Variants in GRB10 observed in about 807,000 individuals in gnomAD.
GRB10 encodes growth factor receptor-bound protein 10.
GRB10 carries 20 observed loss-of-function variants against 80.9 expected under a neutral mutation model. The ratio of observed to expected loss-of-function variants is 0.25; its 90% CI spans 0.17 to 0.36. The LOEUF (loss-of-function observed/expected upper bound fraction) is 0.36, where lower values mean the gene tolerates loss of function less well. Among genes scored for constraint, GRB10 ranks in the 10% least tolerant of loss-of-function variants. The pLI, the probability that GRB10 is intolerant of heterozygous loss-of-function variation, is 1.00. For missense variants in GRB10, 548 were observed against 747.7 expected (o/e 0.73, Z 3.12); for synonymous variants, 291 against 291.5 (o/e 1.00, Z 0.02).
intron 8 of GRB10, among the ~76,000 whole-genome samples, chr7:50,620,325 G>A (rs895065393): frequency 6.6e-6 from 1 of 152,148 alleles, no homozygotes; most frequent in African/African-American, 2.4e-5. Context: ...CTCCTCTCCT[G>A]CAGCCAGACT....
At chr7:50,775,011 A>G (rs1038960824) in intron 2 of GRB10, among the ~76,000 whole-genome samples, 6 of 150,752 alleles carry the variant, frequency 4.0e-5, no homozygotes, top group African/African-American at 1.2e-4. Flanking sequence ...AAAAAAAAAA[A>G]CTAGCTGGGC....
At chr7:50,783,622 G>A (rs2078541058), upstream of GRB10, among the ~76,000 whole-genome samples, 1 of 152,088 alleles carries the variant, frequency 6.6e-6, no homozygotes. Context: ...AACGTTTGGA[G>A]ATATTCACTG....
intron 17 of GRB10, among the ~76,000 whole-genome samples, chr7:50,596,752 T>C (rs1054590537): frequency 3.3e-5 from 5 of 152,222 alleles, no homozygotes; most frequent in Admixed American, 2.6e-4. Flanking sequence ...AAGGCAAATG[T>C]GCCATAATCT....
chr7:50,674,405 A>T (rs756323984), intron 6 of GRB10, 31 bp downstream of exon 6: 4 of 1,590,988 alleles, frequency 2.5e-6, no homozygotes, highest in Non-Finnish European at 3.4e-6. Context: ...TCATCCTTGG[A>T]GAAGGCTCTG....
chr7:50,629,501 G>A (rs534454731), intron 7 of GRB10, among the ~76,000 whole-genome samples: 12 of 152,146 alleles, frequency 7.9e-5, no homozygotes, highest in East Asian at 5.8e-4. Context: ...CAGCTCCAGC[G>A]ACAGGCCCCT....
chr7:50,786,456 A>G (rs1187290682), upstream of GRB10, among the ~76,000 whole-genome samples: 2 of 152,224 alleles, frequency 1.3e-5, no homozygotes, highest in Non-Finnish European at 2.9e-5. Context: ...GGCACAGAGA[A>G]TATCCTACAA....
intron 8 of GRB10, among the ~76,000 whole-genome samples, chr7:50,624,335 G>A (rs768276355): frequency 1.2e-4 from 18 of 152,194 alleles, no homozygotes; most frequent in Non-Finnish European, 1.6e-4. Flanking sequence ...GCCCCTGTTG[G>A]CCTTGCGGCC....
chr7:50,699,310 T>C (rs75089068), intron 5 of GRB10, among the ~76,000 whole-genome samples: 8,555 of 152,338 alleles, frequency 0.056, 844 homozygotes, highest in African/African-American at 0.2. Context: ...CAGCAGGCAC[T>C]GCTGTCTAAT....
chr7:50,630,684 CA>C (rs1355184158), intron 7 of GRB10, among the ~76,000 whole-genome samples: 1 of 152,028 alleles, frequency 6.6e-6, no homozygotes, highest in Non-Finnish European at 1.5e-5. Context: ...CTCTCTACTG[CA>C]AAAAAGCCCC....
intron 1 of GRB10, among the ~76,000 whole-genome samples, chr7:50,791,565 CAGG>C (rs2078915961): frequency 6.6e-6 from 1 of 152,180 alleles, no homozygotes; most frequent in Admixed American, 6.5e-5. Context: ...AAATGGGGAT[CAGG>C]AGGTTGTAGA....
intron 2 of GRB10, among the ~76,000 whole-genome samples, chr7:50,776,033 T>C (rs1195747434): frequency 6.6e-6 from 1 of 152,234 alleles, no homozygotes; most frequent in Non-Finnish European, 1.5e-5. Flanking sequence ...GGGGCAGCAC[T>C]GATAATCTCT....
intron 3 of GRB10, among the ~76,000 whole-genome samples, chr7:50,752,248 A>G (rs1177713676): frequency 6.6e-6 from 1 of 152,204 alleles, no homozygotes; most frequent in African/African-American, 2.4e-5. Context: ...ACAAAAATAG[A>G]AAAGGATAAA....
Position 50,595,424 on chromosome 7 carries a change from C to T in GRB10, c.1638+13G>A, listed in dbSNP as rs1304016747. 1 of 1,357,218 alleles carries T rather than the reference C, an allele frequency of 7.4e-7. No homozygotes were observed. The highest frequency in any genetic ancestry group is 1.2e-5 in the South Asian group (1 of 86,010). The allele number at this position is 1,357,218 out of a possible 1,614,324, so 84.1% of individuals were successfully genotyped here. The stretch of plus-strand genomic sequence containing the variant: ...CAAACCACAAGGACTGGTCTGAGAA[C>T]ATCAATACTTACAGGTAAGATCTGG... On this transcript the variant is annotated intron_variant, in intron 18 of 18. Coordinates refer to ENST00000401949, the MANE Select transcript of GRB10 (RefSeq NM_001350814.2).
Position 50,742,271 on chromosome 7 carries a change from GCACACACACACACA to G in GRB10, c.-46-9917_-46-9904del, listed in dbSNP as rs55813195. ...TGTAAACACACGCGCACGCGCGCGCGCACACACACACACACACACACACACACACACACACACAC... is the reference window on the plus strand; with the variant it reads ...TGTAAACACACGCGCACGCGCGCGCGCACACACACACACACACACACACAC... On this transcript the variant is annotated intron_variant, in intron 3 of 18. Coordinates refer to ENST00000401949, the MANE Select transcript of GRB10 (RefSeq NM_001350814.2). Among the ~76,000 whole-genome samples, 167 of 46,906 alleles carry G rather than the reference GCACACACACACACA, an allele frequency of 3.6e-3. 2 individuals carry two copies. Among genetic ancestry groups the G allele is most frequent in the African/African-American group, 9.1e-3 (151 of 16,540 alleles). The allele number at this position is 46,906 out of a possible 152,430, so 30.8% of individuals were successfully genotyped here.
intron 4 of GRB10, among the ~76,000 whole-genome samples, chr7:50,718,936 T>C (rs961791314): frequency 2.6e-5 from 4 of 152,100 alleles, no homozygotes; most frequent in African/African-American, 9.7e-5. Context: ...GTATCCAACC[T>C]CTTGGTCACC....
At chr7:50,776,364 C>CA (rs969509645) in intron 2 of GRB10, among the ~76,000 whole-genome samples, 6 of 150,758 alleles carry the variant, frequency 4.0e-5, no homozygotes, top group Non-Finnish European at 5.9e-5. Context: ...AAGTGCACAC[C>CA]ACCACACTCC....
intron 15 of GRB10, 50 bp downstream of exon 15, chr7:50,605,240 G>T: frequency 7.2e-7 from 1 of 1,395,436 alleles, no homozygotes. Context: ...ACGTGGTGGG[G>T]CTACCACCTT....
intron 7 of GRB10, among the ~76,000 whole-genome samples, chr7:50,635,459 C>T (rs1382386317): frequency 1.3e-5 from 2 of 151,510 alleles, no homozygotes; most frequent in Non-Finnish European, 2.9e-5. Flanking sequence ...AATGTCACAC[C>T]TCAAGGAACT....
intron 7 of GRB10, among the ~76,000 whole-genome samples, chr7:50,627,905 T>C (rs1000311124): frequency 5.9e-5 from 9 of 152,134 alleles, no homozygotes; most frequent in Non-Finnish European, 1.2e-4. Context: ...GGGCAGGCTG[T>C]CTCCGGGCAG....
Sources: gnomAD v4.1 joint callset for allele counts (sites outside exome capture counted in the v4.1 genomes callset) on GRCh38, gnomAD v4.1.1 for gene constraint, MANE v1.5 for transcripts, NCBI Gene and HGNC (gene_info 2026-07-23, HGNC 2026-07-21) for gene names.